Variants in PAM observed in about 807,000 individuals in gnomAD.
The protein encoded by PAM is peptidylglycine alpha-amidating monooxygenase.
In PAM, 72 loss-of-function variants were observed where a neutral mutation model predicts 122.1. That is an observed-to-expected ratio of 0.59 (90% CI 0.49 to 0.72). PAM has a LOEUF of 0.72. PAM is among the 30% of genes least tolerant of loss of function. The pLI is 0.00. For missense variants in PAM, 1,106 were observed against 1,183.7 expected (o/e 0.93, Z 0.96); for synonymous variants, 389 against 404.4 (o/e 0.96, Z 0.46).
chr5:102,895,195 A>T (rs114821959), intron 3 of PAM, among the ~76,000 whole-genome samples: 270 of 151,916 alleles, frequency 1.8e-3, no homozygotes, highest in African/African-American at 6.2e-3. Flanking sequence ...CTTTGAAAAT[A>T]CTATTTCTTA....
At chr5:102,770,077 CTT>C (rs1004857292) in intron 1 of PAM, among the ~76,000 whole-genome samples, 1 of 151,912 alleles carries the variant, frequency 6.6e-6, no homozygotes, top group African/African-American at 2.4e-5. Flanking sequence ...TCTTTTACAT[CTT>C]TGATTAATTC....
rs1757142000 is a variant in PAM, at chr5:102,946,654, G to A, written c.527-183G>A. On this transcript the variant is annotated intron_variant, in intron 7 of 25. Transcript: ENST00000438793. ...ATGATAGTTTTGTTTTTGCTGTTAT[G>A]ATACATTGGCAATTAAAGGAATTAC... 2.0e-5 allele frequency among the ~76,000 whole-genome samples: 3 copies of A among 150,464 alleles called. No individual in the cohort carries two copies. The South Asian group carries it at 6.4e-4, about 32-fold the overall frequency.
intron 4 of PAM, among the ~76,000 whole-genome samples, chr5:102,903,474 G>C (rs1798598028): frequency 3.3e-5 from 5 of 151,504 alleles, no homozygotes; most frequent in African/African-American, 1.2e-4. Flanking sequence ...ATCCTGTATA[G>C]ATAGTCTCAT....
chr5:103,000,791 C>T (rs536384574), intron 16 of PAM, among the ~76,000 whole-genome samples: 2 of 152,154 alleles, frequency 1.3e-5, no homozygotes, highest in South Asian at 4.2e-4. Context: ...CATGAGAACT[C>T]ACTATCATGA....
At chr5:103,008,543 T>C (rs904671264) in intron 20 of PAM, among the ~76,000 whole-genome samples, 3 of 152,140 alleles carry the variant, frequency 2.0e-5, no homozygotes, top group Non-Finnish European at 2.9e-5. Flanking sequence ...AAAACATCTA[T>C]ACCTGTATTA....
intron 1 of PAM, among the ~76,000 whole-genome samples, chr5:102,856,183 GA>G (rs1782568578): frequency 6.6e-6 from 1 of 152,136 alleles, no homozygotes; most frequent in Admixed American, 6.6e-5. Flanking sequence ...AGAGTTCACA[GA>G]AGGTTGTCCA....
intron 1 of PAM, among the ~76,000 whole-genome samples, chr5:102,835,902 A>G (rs961876365): frequency 2.0e-5 from 3 of 152,184 alleles, no homozygotes; most frequent in Non-Finnish European, 4.4e-5. Context: ...AGGATGTGGT[A>G]TTTTGTATTC....
At chr5:102,942,800 G>T (rs1452282739) in intron 7 of PAM, among the ~76,000 whole-genome samples, 2 of 148,496 alleles carry the variant, frequency 1.3e-5, no homozygotes, top group Non-Finnish European at 1.5e-5. Context: ...CAAACTCCTG[G>T]GGTCAAGTGA....
chr5:102,982,397 A>T (rs892132098), intron 15 of PAM, among the ~76,000 whole-genome samples: 1 of 152,114 alleles, frequency 6.6e-6, no homozygotes, highest in African/African-American at 2.4e-5. Flanking sequence ...CATCCAGCCC[A>T]CCACTGCCAC....
intron 1 of PAM, among the ~76,000 whole-genome samples, chr5:102,794,519 G>C (rs1052032141): frequency 4.0e-5 from 6 of 151,504 alleles, no homozygotes; most frequent in African/African-American, 1.5e-4. Context: ...TCTATATTAA[G>C]AAAGATTTAA....
intron 3 of PAM, among the ~76,000 whole-genome samples, chr5:102,900,438 ATTTG>A (rs1043139490): frequency 6.6e-6 from 1 of 151,602 alleles, no homozygotes; most frequent in Non-Finnish European, 1.5e-5. Context: ...ATTTTAAGAT[ATTTG>A]TTTGATGTGT....
At chr5:102,892,902 T>C (rs920067570) in intron 3 of PAM, among the ~76,000 whole-genome samples, 1 of 151,832 alleles carries the variant, frequency 6.6e-6, no homozygotes, top group Non-Finnish European at 1.5e-5. Flanking sequence ...TCGTTTGTTA[T>C]ATATGTAGCA....
At chr5:102,812,883 T>C (rs973269596) in intron 1 of PAM, among the ~76,000 whole-genome samples, 1 of 152,144 alleles carries the variant, frequency 6.6e-6, no homozygotes, top group East Asian at 1.9e-4. Flanking sequence ...CATAGTAAGC[T>C]CATTTCAATG....
At position 102,955,799 on chromosome 5, in the gene PAM, T is replaced by C. The variant is rs147359364; in HGVS notation, c.906-4076T>C. ...CAGATTAGCAGAGTTGAATTGCATATGTTGATCTCGGTGGAAATTAAGGGT... is the reference window on the plus strand; with the variant it reads ...CAGATTAGCAGAGTTGAATTGCATACGTTGATCTCGGTGGAAATTAAGGGT... On this transcript the variant is annotated intron_variant, in intron 12 of 25. Transcript: ENST00000438793. Among the ~76,000 whole-genome samples, 1,202 of 152,082 alleles carry C rather than the reference T, an allele frequency of 7.9e-3. 22 individuals carry two copies. Among genetic ancestry groups the C allele is most frequent in the African/African-American group, 0.027 (1,128 of 41,512 alleles).
chr5:102,853,100 G>A (rs544900950), intron 1 of PAM, among the ~76,000 whole-genome samples: 1 of 152,294 alleles, frequency 6.6e-6, no homozygotes, highest in African/African-American at 2.4e-5. Flanking sequence ...AGTTGGTTCT[G>A]CCAGACTGCT....
intron 15 of PAM, among the ~76,000 whole-genome samples, chr5:102,976,365 T>C (rs1159253666): frequency 6.6e-6 from 1 of 152,066 alleles, no homozygotes; most frequent in Non-Finnish European, 1.5e-5. Flanking sequence ...TTCATTCCTT[T>C]GGGTAAGCCA....
intron 15 of PAM, among the ~76,000 whole-genome samples, chr5:102,985,616 C>G (rs1409718309): frequency 6.6e-6 from 1 of 151,900 alleles, no homozygotes; most frequent in African/African-American, 2.4e-5. Context: ...AAAAAATCTC[C>G]CATCAAAGAA....
intron 21 of PAM, among the ~76,000 whole-genome samples, chr5:103,010,581 A>T (rs1292492724): frequency 6.6e-6 from 1 of 152,180 alleles, no homozygotes; most frequent in African/African-American, 2.4e-5. Flanking sequence ...AGCCTGCTAA[A>T]ATGCTACAAA....
intron 1 of PAM, among the ~76,000 whole-genome samples, chr5:102,836,421 G>A (rs113342548): frequency 2.0e-5 from 3 of 152,082 alleles, no homozygotes; most frequent in Non-Finnish European, 4.4e-5. Context: ...TGTAGAGATG[G>A]GGTATAACTA....
Sources: gnomAD v4.1 joint callset for allele counts (sites outside exome capture counted in the v4.1 genomes callset) on GRCh38, gnomAD v4.1.1 for gene constraint, MANE v1.5 for transcripts, NCBI Gene and HGNC (gene_info 2026-07-23, HGNC 2026-07-21) for gene names.